AATK: variants seen among roughly 807,000 people sequenced by gnomAD.
AATK encodes lemur tail kinase 1, also known as serine/threonine-protein kinase LMTK1.
AATK carries 91 observed loss-of-function variants against 114.3 expected under a neutral mutation model. The ratio of observed to expected loss-of-function variants is 0.80; its 90% confidence interval spans 0.67 to 0.95. The LOEUF is 0.95. AATK is among the 40% of genes least tolerant of loss of function. The pLI is 0.00. For missense variants in AATK, 2,176 were observed against 1,965.2 expected, an observed-to-expected ratio of 1.11 and a Z score of -2.03; for synonymous variants, 1,075 against 916.5, an observed-to-expected ratio of 1.17 and a Z score of -3.12.
In AATK at chr17:81,120,211, A is replaced by C; in HGVS notation, c.3725T>G (p.Leu1242Arg). The change falls in exon 11 of 14, where the codon CTC becomes CGC. Residue 1242 changes from leucine to arginine, a missense_variant. Physicochemically the swap from Leu to Arg is moderately radical, Grantham distance 102. This residue lies in a region of AATK where 1,701 missense variants were observed against 1,394.7 expected (regional missense o/e 1.22). Coordinates refer to ENST00000326724, the MANE Select transcript of AATK (RefSeq NM_001080395.3). ...GTGGCGGCGGCCCACCTGGTCAAAG[A>C]GGTAGACGGTGACGTCGTCGAAGAA... ...VSFFDDVTVY[L>R]FDQESPTREL... is the part of the protein sequence containing the mutation. 6.3e-7 allele frequency: 1 copy of C among 1,575,174 alleles called. No individual in the cohort carries two copies. Among genetic ancestry groups the C allele is most frequent in the Non-Finnish European group, 8.7e-7 (1 of 1,153,658 alleles).
At chr17:81,140,877 G>A (rs1337535984) in intron 1 of AATK, among the ~76,000 whole-genome samples, 6 of 144,890 alleles carry the variant, frequency 4.1e-5, no homozygotes, top group African/African-American at 1.3e-4. Context: ...GAGCCGTGGG[G>A]CCGTGGGGAC....
At position 81,121,508 on chromosome 17, in the gene AATK, G is replaced by T; in HGVS notation, c.2428C>A (p.Pro810Thr). The T allele has an allele frequency of 6.5e-7, 1 of 1,550,092 alleles. No homozygotes were observed. The highest frequency in any genetic ancestry group is 1.4e-5 in the African/African-American group (1 of 73,816). ...PSPSQEGAPL[P>T]SEEASAPDAP... ...TCGGGGGCACTGGCCTCCTCCGAGG[G>T]AAGTGGGGCTCCCTCCTGGGATGGG... Residue 810 changes from proline to threonine, a missense_variant, in exon 11 of 14, where the codon CCC (proline) becomes ACC (threonine). Around this residue, in one of 4 missense-constraint regions of AATK, gnomAD observed 1,701 missense variants for 1,394.7 expected, o/e 1.22. Coordinates refer to ENST00000326724, the MANE Select transcript of AATK (RefSeq NM_001080395.3).
At position 81,141,084 on chromosome 17, in the gene AATK, T is replaced by C. The variant is rs187455014; in HGVS notation, c.56-6583A>G. On this transcript the variant is annotated intron_variant, in intron 1 of 13. Transcript: ENST00000326724. ...GGCCGTGGGGGCTAGGAGCCGTGGA[T>C]GCAAGGGGCTGGAAAGGCCAGGGGT... Among the ~76,000 whole-genome samples, 65 of 151,744 alleles carry C rather than the reference T, an allele frequency of 4.3e-4. 4 individuals are homozygous for C. The East Asian group carries it at 9.7e-3, about 23-fold the overall frequency.
chr17:81,120,429 G>T lies in AATK; in HGVS notation c.3507C>A (p.Asp1169Glu), dbSNP rs372164584. 6.3e-7 allele frequency: 1 copy of T among 1,579,444 alleles called. No homozygotes were observed. The highest frequency in any genetic ancestry group is 2.3e-5 in the East Asian group (1 of 43,576). Reference protein sequence around the residue: ...EEEEEDSEDSDESDEELRCYS... With the variant: ...EEEEEDSEDSEESDEELRCYS... ...AGCAGCGGAGCTCCTCGTCAGACTC[G>T]TCGCTGTCCTCACTGTCCTCCTCCT... The change falls in exon 11 of 14, where the codon GAC (aspartate) becomes GAA (glutamate). Residue 1169 changes from aspartate (D) to glutamate (E), a missense_variant. Around this residue, in one of 4 missense-constraint regions of AATK, gnomAD observed 1,701 missense variants for 1,394.7 expected, o/e 1.22. Coordinates refer to ENST00000326724, the MANE Select transcript of AATK (RefSeq NM_001080395.3).
At chr17:81,154,466 G>A (rs370555680) in intron 1 of AATK, among the ~76,000 whole-genome samples, 3 of 138,342 alleles carry the variant, frequency 2.2e-5, no homozygotes, top group Admixed American at 7.5e-5. Context: ...GATTACAGGC[G>A]CCCACCACCA....
chr17:81,131,110 C>T lies in AATK; in HGVS notation c.285G>A (p.Leu95=). The change falls in exon 3 of 14, where the codon CTG becomes CTA. Residue 95 remains leucine, a synonymous_variant. Transcript: ENST00000326724. ...TGGGCAAGGAGACCTCCGTGAGTGGCAGGACGTACACGTCGGGCCCGTTCT... is the reference window on the plus strand; with the variant it reads ...TGGGCAAGGAGACCTCCGTGAGTGGTAGGACGTACACGTCGGGCCCGTTCT... The part of the protein sequence containing the change: ...AAQNGPDVYV[L]PLTEVSLPMA... 3.8e-6 allele frequency: 6 copies of T among 1,560,146 alleles called. No individual in the cohort carries two copies. Among genetic ancestry groups the T allele is most frequent in the East Asian group, 2.4e-5 (1 of 41,552 alleles).
chr17:81,121,127 T>C lies in AATK; in HGVS notation c.2809A>G (p.Ser937Gly). ...PSGGQPRALD[S>G]GYDTENYESP... ...TCATAGTTCTCGGTGTCATAGCCAC[T>C]GTCCAGCGCTCGCGGCTGCCCTCCA... The change falls in exon 11 of 14, where the codon AGT becomes GGT. Residue 937 changes from serine to glycine, a missense_variant. Around this residue, in one of 4 missense-constraint regions of AATK, gnomAD observed 1,701 missense variants for 1,394.7 expected, o/e 1.22. Coordinates refer to ENST00000326724, the MANE Select transcript of AATK (RefSeq NM_001080395.3). 3.7e-6 allele frequency: 6 copies of C among 1,605,354 alleles called. No individual in the cohort carries two copies. Among genetic ancestry groups the C allele is most frequent in the East Asian group, 2.2e-5 (1 of 44,720 alleles).
At chr17:81,156,159 C>T (rs1418453244) in intron 1 of AATK, among the ~76,000 whole-genome samples, 1 of 7,410 alleles carries the variant, frequency 1.3e-4, no homozygotes, top group Non-Finnish European at 3.1e-4. Flanking sequence ...TGTATGTTAT[C>T]ATGTTACAAT....
Position 81,119,478 on chromosome 17 carries a change from G to A in AATK, c.3986C>T (p.Pro1329Leu), listed in dbSNP as rs770567280. The A allele has an allele frequency of 6.6e-6, 10 of 1,517,954 alleles. No individual in the cohort carries two copies. The highest frequency in any genetic ancestry group is 8.8e-6 in the Non-Finnish European group (10 of 1,136,318). 94.0% of individuals were successfully genotyped at this position (1,517,954 alleles called of 1,614,324 possible). Residue 1329 changes from proline to leucine, a missense_variant, in exon 13 of 14, where the codon CCC becomes CTC. Coordinates refer to ENST00000326724, the MANE Select transcript of AATK (RefSeq NM_001080395.3). ...PAAPAPAAPT[P>L]TPAPFSRFTV... ...GAAGCGCGAGAAGGGAGCGGGCGTG[G>A]GCGTGGGCGCAGCCGGGGCGGGTGC...
At chr17:81,161,801 G>T (rs899513215) in intron 1 of AATK, among the ~76,000 whole-genome samples, 1 of 152,178 alleles carries the variant, frequency 6.6e-6, no homozygotes, top group Admixed American at 6.5e-5. Context: ...GAGCCGGGGA[G>T]GCAGAGGGCA....
In AATK at chr17:81,134,516, T is replaced by C. The variant is rs1159175027; in HGVS notation, c.56-15A>G. The C allele has an allele frequency of 1.2e-6, 2 of 1,608,276 alleles. No homozygotes were observed. The highest frequency in any genetic ancestry group is 1.7e-6 in the Non-Finnish European group (2 of 1,177,980). ...CGGGGCGCCGTCTGCGGGAGAGCAG[T>C]GTGGTGAGAGTGGCCATGGCTGAGG... On this transcript the variant is annotated splice_polypyrimidine_tract_variant and intron_variant, in intron 1 of 13. Coordinates refer to ENST00000326724, the MANE Select transcript of AATK (RefSeq NM_001080395.3).
chr17:81,156,228 G>A (rs983860400), intron 1 of AATK, among the ~76,000 whole-genome samples: 4 of 150,688 alleles, frequency 2.7e-5, no homozygotes, highest in African/African-American at 9.7e-5. Flanking sequence ...ATGTTACAAT[G>A]TATGTTACTA....
rs759581653 is a variant in AATK at position 81,131,931 on chromosome 17, G to A, written c.190-726C>T. 3.0e-6 allele frequency: 4 copies of A among 1,344,784 alleles called. No homozygotes were observed. The East Asian group carries it at 1.9e-4, about 65-fold the overall frequency. 83.3% of individuals were successfully genotyped at this position (1,344,784 alleles called of 1,614,324 possible). ...CACCGCCATCTGCCCCAGCAGCCTTGGACCTTCACCTGGTGGCCACACCAC... is the reference window on the plus strand; with the variant it reads ...CACCGCCATCTGCCCCAGCAGCCTTAGACCTTCACCTGGTGGCCACACCAC... On this transcript the variant is annotated intron_variant, in intron 2 of 13. Coordinates refer to ENST00000326724, the MANE Select transcript of AATK (RefSeq NM_001080395.3).
At chr17:81,157,925 G>A (rs1021541122) in intron 1 of AATK, among the ~76,000 whole-genome samples, 7 of 152,222 alleles carry the variant, frequency 4.6e-5, no homozygotes, top group Non-Finnish European at 7.4e-5. Context: ...CCTCCTGTGC[G>A]TCTCAGGACC....
chr17:81,147,078 A>C (rs1443147146), intron 1 of AATK, among the ~76,000 whole-genome samples: 1 of 151,478 alleles, frequency 6.6e-6, no homozygotes, highest in Admixed American at 6.6e-5. Flanking sequence ...AGAGCAAAAA[A>C]GAGGCCAGGC....
intron 3 of AATK, among the ~76,000 whole-genome samples, chr17:81,130,484 C>A (rs1466017196): frequency 6.6e-6 from 1 of 152,188 alleles, no homozygotes; most frequent in Non-Finnish European, 1.5e-5. Context: ...CACCTGCACT[C>A]CTGGGTCAGC....
chr17:81,144,290 G>A (rs568649647), intron 1 of AATK, among the ~76,000 whole-genome samples: 10 of 152,368 alleles, frequency 6.6e-5, no homozygotes, highest in African/African-American at 2.2e-4. Flanking sequence ...CAGCAAAGCT[G>A]CAGATAGGAG....
In AATK at chr17:81,119,948, T is replaced by TGGAGCCATTTGG. The variant is rs1240273906; in HGVS notation, c.3859_3870dup (p.Pro1287_Ser1290dup). On this transcript the variant is annotated inframe_insertion, in exon 12 of 14. Coordinates refer to ENST00000326724, the MANE Select transcript of AATK (RefSeq NM_001080395.3). ...CGCCCCTGCTCACCCTCTTCCGCTGTGGAGCCATTTGGGGAGCCATCAGCC... is the reference window on the plus strand; with the variant it reads ...CGCCCCTGCTCACCCTCTTCCGCTGTGGAGCCATTTGGGGAGCCATTTGGGGAGCCATCAGCC... 5.5e-6 allele frequency: 8 copies of TGGAGCCATTTGG among 1,446,096 alleles called. No individual in the cohort carries two copies. Among genetic ancestry groups the TGGAGCCATTTGG allele is most frequent in the African/African-American group, 1.5e-5 (1 of 67,756 alleles). 89.6% of individuals were successfully genotyped at this position (1,446,096 alleles called of 1,614,324 possible). A position where few individuals can be genotyped will look rare whatever the true frequency, so the allele number is the denominator to read the frequency against.
chr17:81,141,921 TTCCTTCCTTCCTTC>T, intron 1 of AATK, among the ~76,000 whole-genome samples: 1 of 37,738 alleles, frequency 2.6e-5, no homozygotes, highest in East Asian at 1.0e-3. Context: ...CTCCCTCTCC[TTCCTTCCTTCCTTC>T]CTTCCTTCCT....
Sources: gnomAD v4.1 joint callset for allele counts (sites outside exome capture counted in the v4.1 genomes callset) on GRCh38, gnomAD v4.1.1 for gene constraint, gnomAD v4.1.1 regional missense constraint, MANE v1.5 for transcripts, NCBI Gene and HGNC (gene_info 2026-07-23, HGNC 2026-07-21) for gene names.